Variants in CELF2 observed in about 807,000 individuals in gnomAD.
CELF2 encodes the protein CUG triplet repeat RNA-binding protein 2.
In CELF2, 8 loss-of-function variants were observed where a neutral mutation model predicts 62.6. The ratio of observed to expected loss-of-function variants is 0.13; its 90% CI spans 0.07 to 0.23. CELF2 has a LOEUF of 0.23. CELF2 is among the 10% of genes least tolerant of loss of function. The pLI is 1.00. For missense variants in CELF2, 333 were observed against 671.0 expected (o/e 0.50, Z 5.56); for synonymous variants, 258 against 250.0 (o/e 1.03, Z -0.30).
chr10:10,896,038 G>A lies in CELF2; in HGVS notation c.54-23926G>A, dbSNP rs529300621. ...GTACTAGAGAGCTGAGAGCTATGTA[G>A]TGTGAAAACTTCAGAGATCTGTAGA... On this transcript the variant is annotated intron_variant, in intron 1 of 13. Transcript: ENST00000636488. Among the ~76,000 whole-genome samples the A allele has an allele frequency of 2.0e-5, 3 of 152,336 alleles. No homozygotes were observed. In the South Asian group the frequency reaches 6.2e-4, roughly 32 times the overall value.
intron 3 of CELF2, among the ~76,000 whole-genome samples, chr10:11,233,910 G>A (rs558267645): frequency 1.5e-3 from 236 of 152,284 alleles, no homozygotes; most frequent in African/African-American, 5.4e-3. Flanking sequence ...TGGGAGAGGT[G>A]GGTGTGCCAG....
intron 1 of CELF2, among the ~76,000 whole-genome samples, chr10:10,887,285 T>A (rs910684504): frequency 4.6e-5 from 7 of 152,208 alleles, no homozygotes; most frequent in Non-Finnish European, 8.8e-5. Context: ...TTACAAGGTA[T>A]CACAGATAGC....
chr10:10,749,188 A>G, the CELF2 span, among the ~76,000 whole-genome samples: 1 of 152,218 alleles, frequency 6.6e-6, no homozygotes, highest in Non-Finnish European at 1.5e-5. Context: ...AATGTCTACT[A>G]TGTGTCACAT....
intron 2 of CELF2, among the ~76,000 whole-genome samples, chr10:11,166,970 G>C (rs372975078): frequency 6.6e-6 from 1 of 152,208 alleles, no homozygotes; most frequent in Non-Finnish European, 1.5e-5. Context: ...GTGGACATGC[G>C]TGTCTTCGGA....
At chr10:10,918,651 A>G (rs2064568852) in intron 1 of CELF2, among the ~76,000 whole-genome samples, 1 of 152,182 alleles carries the variant, frequency 6.6e-6, no homozygotes, top group Non-Finnish European at 1.5e-5. Context: ...CAGTAGGAAA[A>G]GAAAATGTTC....
the CELF2 span, among the ~76,000 whole-genome samples, chr10:10,487,066 G>A: frequency 6.6e-6 from 1 of 152,118 alleles, no homozygotes; most frequent in Non-Finnish European, 1.5e-5. Flanking sequence ...ATGCTTAAAG[G>A]TATCAGGACA....
At chr10:10,666,839 G>A in the CELF2 span, among the ~76,000 whole-genome samples, 4 of 71,738 alleles carry the variant, frequency 5.6e-5, no homozygotes, top group Admixed American at 2.6e-4. Context: ...TCCAGCCTGG[G>A]CGACAGAGCG....
At chr10:11,132,174 A>T (rs2059729909) in intron 1 of CELF2, among the ~76,000 whole-genome samples, 1 of 152,262 alleles carries the variant, frequency 6.6e-6, no homozygotes, top group Non-Finnish European at 1.5e-5. Flanking sequence ...GCTGCCAATT[A>T]AACATGTCTA....
chr10:10,871,980 T>C (rs1233920997), intron 1 of CELF2, among the ~76,000 whole-genome samples: 1 of 152,208 alleles, frequency 6.6e-6, no homozygotes, highest in East Asian at 1.9e-4. Flanking sequence ...CAAAAATTTC[T>C]ATTTTGCATT....
At chr10:10,543,868 G>A in the CELF2 span, among the ~76,000 whole-genome samples, 1 of 152,190 alleles carries the variant, frequency 6.6e-6, no homozygotes, top group African/African-American at 2.4e-5. Context: ...GACTCTGGAG[G>A]ATGATAAACA....
At chr10:11,063,795 A>C (rs2067385452) in intron 1 of CELF2, among the ~76,000 whole-genome samples, 2 of 152,218 alleles carry the variant, frequency 1.3e-5, no homozygotes, top group African/African-American at 4.8e-5. Context: ...AAAATCACCT[A>C]AATAATTCTT....
At chr10:10,925,264 G>A (rs544501932) in intron 2 of CELF2, 17 of 152,244 alleles carry the variant, frequency 1.1e-4, no homozygotes, top group Non-Finnish European at 1.9e-4. Flanking sequence ...GCCGATGGAT[G>A]GACACTTCCT....
intron 1 of CELF2, among the ~76,000 whole-genome samples, chr10:11,087,426 AAG>A (rs1222930146): frequency 6.6e-6 from 1 of 152,214 alleles, no homozygotes; most frequent in African/African-American, 2.4e-5. Context: ...GAGTGCCTGA[AAG>A]AGTTCTAACT....
In CELF2 at chr10:10,861,127, T is replaced by A. The variant is rs1167186718; in HGVS notation, c.54-58837T>A. On this transcript the variant is annotated intron_variant, in intron 1 of 13. Coordinates refer to the CELF2 transcript ENST00000636488. ...TTGTTTGAGACAAGATCTCACTCTG[T>A]CACCCAGGCTGGAGTAGCACAATCT... 2.6e-5 allele frequency among the ~76,000 whole-genome samples: 4 copies of A among 152,140 alleles called. No individual in the cohort carries two copies. In the East Asian group the frequency reaches 7.7e-4, roughly 29 times the overall value.
rs1314746260 is a variant in CELF2 at position 11,300,253 on chromosome 10, G to T, written c.976+11701G>T. ...CCCCTCACTTCCCCGCCTTCCACAT[G>T]TGTGCCACCGTACAATAAAGCCTCA... is the stretch of plus-strand genomic sequence containing the variant. On this transcript the variant is annotated intron_variant, in intron 9 of 12. Transcript: ENST00000633077. The surrounding 1 kb of genome is among the most constrained non-coding windows in gnomAD (Gnocchi z 5.5). 6.6e-6 allele frequency among the ~76,000 whole-genome samples: 1 copy of T among 152,166 alleles called. No homozygotes were observed. Among genetic ancestry groups the T allele is most frequent in the African/African-American group, 2.4e-5 (1 of 41,438 alleles).
rs2065712158 is a variant in CELF2, at chr10:10,928,046, G to A, written c.89+8047G>A. The stretch of plus-strand genomic sequence containing the variant: ...TCATTTATTTTGCTTCTGACACACC[G>A]GCCTTTCTCCGCACTTACTTCCACA... On this transcript the variant is annotated intron_variant, in intron 2 of 13. Coordinates refer to the CELF2 transcript ENST00000636488. The surrounding 1 kb of genome is among the most constrained non-coding windows in gnomAD (Gnocchi z 4.8). Among the ~76,000 whole-genome samples the A allele has an allele frequency of 6.6e-6, 1 of 151,890 alleles. No individual in the cohort carries two copies. The highest frequency in any genetic ancestry group is 6.6e-5 in the Admixed American group (1 of 15,240).
intron 1 of CELF2, among the ~76,000 whole-genome samples, chr10:10,916,977 T>A (rs2064400366): frequency 6.6e-6 from 1 of 152,042 alleles, no homozygotes. Flanking sequence ...GACATTTGTA[T>A]CTAATTCAAC....
At chr10:10,984,690 A>T (rs544003380) in intron 2 of CELF2, among the ~76,000 whole-genome samples, 1 of 152,318 alleles carries the variant, frequency 6.6e-6, no homozygotes, top group South Asian at 2.1e-4. Context: ...TCATGGTTTC[A>T]TTACAGAATG....
intron 7 of CELF2, among the ~76,000 whole-genome samples, chr10:11,272,226 C>T (rs2138692109): frequency 6.6e-6 from 1 of 152,310 alleles, no homozygotes; most frequent in East Asian, 1.9e-4. Flanking sequence ...CTACCTTGTC[C>T]ACGAAGATAC....
Sources: allele counts gnomAD v4.1 joint callset (sites outside exome capture counted in the v4.1 genomes callset), GRCh38; gene constraint gnomAD v4.1.1; non-coding constraint Gnocchi (gnomAD v3.1); transcripts MANE v1.5; gene names NCBI Gene and HGNC (gene_info 2026-07-23, HGNC 2026-07-21).